WDR33: variants seen among roughly 807,000 people sequenced by gnomAD.
WDR33 encodes the protein pre-mRNA 3' end processing protein WDR33.
Under a neutral mutation model 164.9 loss-of-function variants are expected in WDR33, and 47 were observed. The ratio of observed to expected loss-of-function variants is 0.29; its 90% CI spans 0.23 to 0.36. The LOEUF is 0.36. WDR33 is among the 10% of genes least tolerant of loss of function. The pLI is 1.00. For missense variants in WDR33, 1,137 were observed against 1,754.1 expected, an observed-to-expected ratio of 0.65 and a Z score of 6.28; for synonymous variants, 505 against 589.0, an observed-to-expected ratio of 0.86 and a Z score of 2.06.
intron 1 of WDR33, among the ~76,000 whole-genome samples, chr2:127,786,207 C>G (rs1688561680): frequency 6.6e-6 from 1 of 151,896 alleles, no homozygotes. Context: ...TTAAACTGTT[C>G]TTTTTTTTGT....
At chr2:127,759,853 C>T (rs901490596) in intron 7 of WDR33, among the ~76,000 whole-genome samples, 1 of 152,032 alleles carries the variant, frequency 6.6e-6, no homozygotes, top group African/African-American at 2.4e-5. Flanking sequence ...CCAGCCTGGG[C>T]AACACAGGGA....
At chr2:127,787,426 A>C (rs1688621996) in intron 1 of WDR33, among the ~76,000 whole-genome samples, 1 of 128,794 alleles carries the variant, frequency 7.8e-6, no homozygotes, top group Non-Finnish European at 1.6e-5. Flanking sequence ...ACTTCCCAGT[A>C]GGGGTGGCCG....
chr2:127,737,858 A>G lies in WDR33; in HGVS notation c.725-11081T>C, dbSNP rs1057321358. 24 of 1,396,372 alleles carry G rather than the reference A, an allele frequency of 1.7e-5. No individual in the cohort carries two copies. In the African/African-American group the frequency reaches 3.4e-4, roughly 20 times the overall value. The allele number at this position is 1,396,372 out of a possible 1,614,324, so 86.5% of individuals were successfully genotyped here. A position where few individuals can be genotyped will look rare whatever the true frequency, so the allele number is the denominator to read the frequency against. On this transcript the variant is annotated intron_variant, in intron 7 of 21. Transcript: ENST00000322313. ...ATTTAGAAACATAAAAGCAACAAAT[A>G]ATCCGTGTCAAAGTAGAAGAGTAGT...
chr2:127,715,286 T>C (rs1186636601), intron 17 of WDR33, among the ~76,000 whole-genome samples: 1 of 152,084 alleles, frequency 6.6e-6, no homozygotes, highest in Non-Finnish European at 1.5e-5. Context: ...GGTTTCACCA[T>C]GTTGGCCAGG....
chr2:127,736,570 T>C, intron 7 of WDR33: 1 of 985,420 alleles, frequency 1.0e-6, no homozygotes, highest in Non-Finnish European at 1.2e-6. Context: ...CCTATGTAGG[T>C]AAAATGGTTT....
At chr2:127,796,957 A>T (rs77718997) in intron 1 of WDR33, among the ~76,000 whole-genome samples, 3,251 of 152,106 alleles carry the variant, frequency 0.021, 153 homozygotes, top group African/African-American at 0.076. Context: ...AGATTCTGCA[A>T]TTGCGAATTT....
In WDR33 at chr2:127,718,010, C is replaced by T. The variant is rs918255240; in HGVS notation, c.2761-747G>A. 9.9e-5 allele frequency among the ~76,000 whole-genome samples: 15 copies of T among 152,108 alleles called. No individual in the cohort carries two copies. Among genetic ancestry groups the T allele is most frequent in the Admixed American group, 7.9e-4 (12 of 15,278 alleles). On this transcript the variant is annotated intron_variant, in intron 16 of 21. Transcript: ENST00000322313. The surrounding 1 kb of genome is among the most constrained non-coding windows in gnomAD (Gnocchi z 4.4). ...CAGTAAATTAATAAAATATATAATA[C>T]TTCAAGTTTTAGGGCAATTTAGAAT...
Position 127,764,644 on chromosome 2 carries a change from T to C in WDR33, c.626+184A>G. ...GCAAAGGCTGATACCGGGACAACAC[T>C]ACTTCAGAAAGGTGCCAGCAAAATG... On this transcript the variant is annotated intron_variant, in intron 6 of 21. Coordinates refer to ENST00000322313, the MANE Select transcript of WDR33 (RefSeq NM_018383.5). The surrounding 1 kb of genome is among the most constrained non-coding windows in gnomAD (Gnocchi z 6.2). The C allele has an allele frequency of 6.4e-7, 1 of 1,559,800 alleles. No homozygotes were observed. Among genetic ancestry groups the C allele is most frequent in the Admixed American group, 1.9e-5 (1 of 51,502 alleles).
intron 7 of WDR33, chr2:127,736,282 G>C (rs1686838982): frequency 1.4e-5 from 14 of 985,350 alleles, no homozygotes; most frequent in Non-Finnish European, 1.6e-5. Context: ...CACTTCCGGG[G>C]GAGGAAGAGG....
chr2:127,714,273 C>T lies in WDR33; in HGVS notation c.2870-252G>A, dbSNP rs1686247923. Among the ~76,000 whole-genome samples, 2 of 152,216 alleles carry T rather than the reference C, an allele frequency of 1.3e-5. No individual in the cohort carries two copies. Among genetic ancestry groups the T allele is most frequent in the Admixed American group, 1.3e-4 (2 of 15,280 alleles). The stretch of plus-strand genomic sequence containing the variant: ...TCATCTCAAATGAGATCAGCAGCAT[C>T]TGTCCATCTCTTAGTATACACTGGA... On this transcript the variant is annotated intron_variant, in intron 17 of 21. Coordinates refer to ENST00000322313, the MANE Select transcript of WDR33 (RefSeq NM_018383.5). The surrounding 1 kb of genome is among the most constrained non-coding windows in gnomAD (Gnocchi z 4.3).
intron 1 of WDR33, among the ~76,000 whole-genome samples, chr2:127,801,250 T>G (rs1451872538): frequency 6.6e-6 from 1 of 152,172 alleles, no homozygotes; most frequent in Admixed American, 6.5e-5. Context: ...ACCACTGTAC[T>G]CCAGCAGGGG....
At chr2:127,794,272 G>A (rs1478051152) in intron 1 of WDR33, among the ~76,000 whole-genome samples, 1 of 152,056 alleles carries the variant, frequency 6.6e-6, no homozygotes, top group Non-Finnish European at 1.5e-5. Context: ...GGCAGAGGCA[G>A]GTGGATCACC....
chr2:127,702,134 C>T lies in WDR33; in HGVS notation c.*4189G>A. On this transcript the variant is annotated 3_prime_UTR_variant, in exon 22 of 22. Coordinates refer to ENST00000322313, the MANE Select transcript of WDR33 (RefSeq NM_018383.5). ...CCGCGCTGCGCCTCGCACTGGGTCG[C>T]CTGGGCCGCGGCGCCGGCCTCGCCA... 8.2e-7 allele frequency: 1 copy of T among 1,216,176 alleles called. No individual in the cohort carries two copies. The highest frequency in any genetic ancestry group is 3.3e-5 in the East Asian group (1 of 29,956). The allele number at this position is 1,216,176 out of a possible 1,614,324, so 75.3% of individuals were successfully genotyped here.
At chr2:127,730,299 T>C (rs1038224424) in intron 7 of WDR33, among the ~76,000 whole-genome samples, 3 of 152,054 alleles carry the variant, frequency 2.0e-5, no homozygotes, top group Non-Finnish European at 4.4e-5. Context: ...TAGAAGAAAA[T>C]TGATATGCAA....
intron 1 of WDR33, among the ~76,000 whole-genome samples, chr2:127,791,163 C>CT (rs1688831196): frequency 6.4e-5 from 4 of 62,916 alleles, no homozygotes; most frequent in African/African-American, 6.9e-5. Flanking sequence ...TTCCCCACCC[C>CT]ACCCCCCCCC....
chr2:127,797,927 C>T (rs1165436795), intron 1 of WDR33, among the ~76,000 whole-genome samples: 1 of 151,728 alleles, frequency 6.6e-6, no homozygotes, highest in Non-Finnish European at 1.5e-5. Flanking sequence ...AGCAGGAGGA[C>T]TGCTTGAGCC....
At position 127,709,305 on chromosome 2, in the gene WDR33, G is replaced by A. The variant is rs13430235; in HGVS notation, c.3565+185C>T. ...CAGATAGATCCCTGTAATGTCTGGC[G>A]GATTCCTCTGCTCTGCATTCCACCT... On this transcript the variant is annotated intron_variant, in intron 20 of 21. Transcript: ENST00000322313. The surrounding 1 kb of genome is among the most constrained non-coding windows in gnomAD (Gnocchi z 5.0). 7.0e-3 allele frequency among the ~76,000 whole-genome samples: 1,070 copies of A among 152,260 alleles called. 10 individuals carry two copies. Among genetic ancestry groups the A allele is most frequent in the African/African-American group, 0.025 (1,019 of 41,542 alleles).
intron 4 of WDR33, 45 bp from the exon 5 acceptor site, chr2:127,765,314 A>T: frequency 7.1e-7 from 1 of 1,409,488 alleles, no homozygotes; most frequent in Non-Finnish European, 9.9e-7. Context: ...CAACTTCACT[A>T]ATTTTGAAAA....
At chr2:127,780,721 C>T (rs974822475) in intron 1 of WDR33, among the ~76,000 whole-genome samples, 1 of 152,076 alleles carries the variant, frequency 6.6e-6, no homozygotes, top group African/African-American at 2.4e-5. Flanking sequence ...CCTCCAGTCC[C>T]GTCTACTCAA....
Sources: gnomAD v4.1 joint callset for allele counts (sites outside exome capture counted in the v4.1 genomes callset) on GRCh38, gnomAD v4.1.1 for gene constraint, Gnocchi (gnomAD v3.1) non-coding constraint, MANE v1.5 for transcripts, NCBI Gene and HGNC (gene_info 2026-07-23, HGNC 2026-07-21) for gene names.